Variants in GAN observed in about 807,000 individuals in gnomAD.
GAN encodes the protein epididymis secretory sperm binding protein.
GAN carries 48 observed loss-of-function variants against 71.3 expected under a neutral mutation model. That is an observed-to-expected ratio of 0.67 (90% confidence interval 0.53 to 0.86). The LOEUF (loss-of-function observed/expected upper bound fraction) is 0.86. GAN is among the 40% of genes least tolerant of loss of function. The probability of loss-of-function intolerance (pLI) is 0.00; values close to 1 mark genes in which losing one functional copy is unlikely to be tolerated. For synonymous variants in GAN, 386 were observed against 276.8 expected (o/e 1.39, Z -3.92); for missense variants, 928 against 770.1 (o/e 1.21, Z -2.43).
intron 4 of GAN, 56 bp downstream of exon 4, chr16:81,357,058 T>C (rs1170622264): frequency 7.8e-6 from 8 of 1,021,496 alleles, no homozygotes; most frequent in Non-Finnish European, 1.2e-5. Flanking sequence ...GGTAGTTCCA[T>C]GTAAACAAGA....
chr16:81,341,395 G>A (rs993581345), intron 1 of GAN, among the ~76,000 whole-genome samples: 7 of 152,250 alleles, frequency 4.6e-5, no homozygotes, highest in East Asian at 1.9e-4. Flanking sequence ...GAGAAAGGTC[G>A]GGTTACCCAC....
In GAN at chr16:81,382,200, A is replaced by T. The variant is rs1904308988; in HGVS notation, c.*4604A>T. 1 of 152,156 alleles carries T rather than the reference A, an allele frequency of 6.6e-6. No individual in the cohort carries two copies. The highest frequency in any genetic ancestry group is 2.4e-5 in the African/African-American group (1 of 41,436). The allele number at this position is 152,156 out of a possible 1,614,324, so 9.4% of individuals were successfully genotyped here. On this transcript the variant is annotated 3_prime_UTR_variant, in exon 11 of 11. Coordinates refer to ENST00000648994, the MANE Select transcript of GAN (RefSeq NM_022041.4). ...TATGGCTTCATTTCTCACTTTAGGG[A>T]GGAGCAAGAACCAAAAGCAGAAGCC...
intron 1 of GAN, among the ~76,000 whole-genome samples, chr16:81,328,861 A>G: frequency 6.6e-6 from 1 of 152,232 alleles, no homozygotes; most frequent in East Asian, 1.9e-4. Context: ...TTTGCAAGCC[A>G]CATGTGGTCT....
At chr16:81,354,862 A>C in intron 3 of GAN, 107 bp downstream of exon 3, 1 of 697,744 alleles carries the variant, frequency 1.4e-6, no homozygotes, top group Non-Finnish European at 2.5e-6. Context: ...ACGATGCAGC[A>C]ATCTAAAAGA....
At chr16:81,348,459 C>A (rs1910193681) in intron 1 of GAN, among the ~76,000 whole-genome samples, 1 of 151,878 alleles carries the variant, frequency 6.6e-6, no homozygotes, top group Non-Finnish European at 1.5e-5. Context: ...CTAATGAGTC[C>A]TGTTTGCTTG....
At chr16:81,325,904 A>G (rs1413111308) in intron 1 of GAN, among the ~76,000 whole-genome samples, 3 of 152,156 alleles carry the variant, frequency 2.0e-5, no homozygotes, top group Non-Finnish European at 2.9e-5. Context: ...GTCTGTGAAT[A>G]TGTTTTGCTT....
chr16:81,345,074 C>T (rs934520034), intron 1 of GAN, among the ~76,000 whole-genome samples: 30 of 151,994 alleles, frequency 2.0e-4, no homozygotes, highest in African/African-American at 4.1e-4. Flanking sequence ...CCAGTTAGAA[C>T]GGCGATCATT....
rs182558 is a variant in GAN, at chr16:81,383,094, C to A, written c.*5498C>A. On this transcript the variant is annotated 3_prime_UTR_variant, in exon 11 of 11. Coordinates refer to ENST00000648994, the MANE Select transcript of GAN (RefSeq NM_022041.4). The stretch of plus-strand genomic sequence containing the variant: ...ACTACAGGCATGAGCCACCACGCTC[C>A]GTAGAAAGTTTGTTCTTTTTCAGTT... The A allele has an allele frequency of 0.91, 138,728 of 152,166 alleles. 63,439 individuals are homozygous for A. The highest frequency in any genetic ancestry group is 0.98 in the African/African-American group (40,608 of 41,550). The allele number at this position is 152,166 out of a possible 1,614,324, so 9.4% of individuals were successfully genotyped here.
At position 81,384,685 on chromosome 16, in the gene GAN, T is replaced by G. The variant is rs1262118991; in HGVS notation, c.*7089T>G. The G allele has an allele frequency of 2.6e-5, 4 of 152,260 alleles. No individual in the cohort carries two copies. The East Asian group carries it at 7.7e-4, about 29-fold the overall frequency. 9.4% of individuals were successfully genotyped at this position (152,260 alleles called of 1,614,324 possible). On this transcript the variant is annotated 3_prime_UTR_variant, in exon 11 of 11. Coordinates refer to ENST00000648994, the MANE Select transcript of GAN (RefSeq NM_022041.4). Reference sequence around the variant, plus strand: ...CTTAAAGTGTTTCCTCAGTGCAGAGTTGAGGTTGGCAGAACTATATAGAGT... The same window carrying G: ...CTTAAAGTGTTTCCTCAGTGCAGAGGTGAGGTTGGCAGAACTATATAGAGT...
intron 9 of GAN, among the ~76,000 whole-genome samples, chr16:81,375,817 T>A (rs1396253342): frequency 4.0e-5 from 6 of 150,956 alleles, no homozygotes; most frequent in Non-Finnish European, 3.0e-5. Flanking sequence ...AAAAAAAAAA[T>A]TCATTAGCTG....
chr16:81,326,333 C>T (rs984440833), intron 1 of GAN, among the ~76,000 whole-genome samples: 11 of 148,502 alleles, frequency 7.4e-5, no homozygotes, highest in East Asian at 2.0e-4. Context: ...GCCTGACCAA[C>T]GTGGAGAAAC....
chr16:81,315,360 C>T, intron 1 of GAN, 80 bp downstream of exon 1: 2 of 1,060,050 alleles, frequency 1.9e-6, no homozygotes, highest in East Asian at 7.0e-5. Flanking sequence ...GGCGTGGCCC[C>T]CAGACCCTGT....
chr16:81,352,370 C>G (rs1476468885), intron 2 of GAN, among the ~76,000 whole-genome samples: 1 of 152,150 alleles, frequency 6.6e-6, no homozygotes, highest in African/African-American at 2.4e-5. Context: ...TACCCATTCC[C>G]CATGACGTGA....
chr16:81,354,422 T>C lies in GAN; in HGVS notation c.300T>C (p.Asp100=), dbSNP rs1910415566. The C allele has an allele frequency of 6.2e-7, 1 of 1,610,298 alleles. No homozygotes were observed. Among genetic ancestry groups the C allele is most frequent in the Non-Finnish European group, 8.5e-7 (1 of 1,176,486 alleles). Residue 100 remains aspartate (D), a synonymous_variant, in exon 3 of 11, where the codon GAT becomes GAC. Transcript: ENST00000648994. Reference sequence around the variant, plus strand: ...TTTTTTAGATCAGGCTAAATGAAGATACAATCCAAGATGTTGTTCAGGCAG... The same window carrying C: ...TTTTTTAGATCAGGCTAAATGAAGACACAATCCAAGATGTTGTTCAGGCAG... ...IFSGQIRLNE[D]TIQDVVQAAD...
intron 1 of GAN, among the ~76,000 whole-genome samples, chr16:81,344,222 A>C (rs905368382): frequency 2.0e-5 from 3 of 152,232 alleles, no homozygotes; most frequent in Non-Finnish European, 4.4e-5. Context: ...ATCCCCATCA[A>C]GCTGCCGCTG....
chr16:81,360,654 C>G (rs1253533819), intron 5 of GAN, among the ~76,000 whole-genome samples: 1 of 151,692 alleles, frequency 6.6e-6, no homozygotes, highest in Non-Finnish European at 1.5e-5. Flanking sequence ...CAAATCCTCT[C>G]TTATTTCTAT....
rs538629117 is a variant in GAN, at chr16:81,367,687, C to G, written c.1502+2209C>G. On this transcript the variant is annotated intron_variant, in intron 9 of 10. Transcript: ENST00000648994. ...ATAACATTAAACACACATATAACACCAAATGCCATGTATTTAATCTTCAAA... is the reference window on the plus strand; with the variant it reads ...ATAACATTAAACACACATATAACACGAAATGCCATGTATTTAATCTTCAAA... Among the ~76,000 whole-genome samples, 229 of 152,210 alleles carry G rather than the reference C, an allele frequency of 1.5e-3. 1 individual carries two copies. The highest frequency in any genetic ancestry group is 5.3e-3 in the African/African-American group (218 of 41,514).
chr16:81,377,226 TATCTTAACG>T lies in GAN; in HGVS notation c.1512_1520del (p.Leu505_Asp507del). The T allele has an allele frequency of 6.3e-7, 1 of 1,595,430 alleles. No homozygotes were observed. On this transcript the variant is annotated inframe_deletion, in exon 10 of 11. Coordinates refer to ENST00000648994, the MANE Select transcript of GAN (RefSeq NM_022041.4). ...CATGGGCTTTGTTTTCAGGTGGATCTATCTTAACGACCAGAATTTATGCATCCCCGCCAG... is the reference window on the plus strand; with the variant it reads ...CATGGGCTTTGTTTTCAGGTGGATCTACCAGAATTTATGCATCCCCGCCAG...
chr16:81,328,298 C>T (rs1249309797), intron 1 of GAN, among the ~76,000 whole-genome samples: 6 of 152,174 alleles, frequency 3.9e-5, no homozygotes, highest in Non-Finnish European at 2.9e-5. Context: ...CTGTTATTTA[C>T]AGTTCGTCTT....
Sources: gnomAD v4.1 joint callset for allele counts (sites outside exome capture counted in the v4.1 genomes callset) on GRCh38, gnomAD v4.1.1 for gene constraint, MANE v1.5 for transcripts, NCBI Gene and HGNC (gene_info 2026-07-23, HGNC 2026-07-21) for gene names.